The following NRXN1 variants were observed in gnomAD, a reference collection of about 807,000 sequenced individuals.
The protein encoded by NRXN1 is neurexin-1.
In NRXN1, 39 loss-of-function variants were observed where a neutral mutation model predicts 150.9. That is an observed-to-expected ratio of 0.26 (90% CI 0.20 to 0.34). The LOEUF (loss-of-function observed/expected upper bound fraction) is 0.34. Among genes scored for constraint, NRXN1 ranks in the 10% least tolerant of loss-of-function variants. NRXN1 has a pLI of 1.00. For missense variants in NRXN1, 1,815 were observed against 1,949.9 expected, an observed-to-expected ratio of 0.93 and a Z score of 1.30; for synonymous variants, 924 against 757.0, an observed-to-expected ratio of 1.22 and a Z score of -3.62.
intron 17 of NRXN1, among the ~76,000 whole-genome samples, chr2:50,426,631 G>C (rs1450952339): frequency 6.6e-6 from 1 of 152,110 alleles, no homozygotes; most frequent in East Asian, 1.9e-4. Flanking sequence ...ATTCTTTAGA[G>C]GTCAGTCTTG....
intron 18 of NRXN1, among the ~76,000 whole-genome samples, chr2:50,141,148 G>C (rs1707218151): frequency 6.6e-6 from 1 of 151,978 alleles, no homozygotes; most frequent in African/African-American, 2.4e-5. Flanking sequence ...AATTAACCAA[G>C]AGTTACAGAT....
chr2:50,163,492 AAC>A (rs1208875145), intron 18 of NRXN1, among the ~76,000 whole-genome samples: 2 of 152,116 alleles, frequency 1.3e-5, no homozygotes, highest in Admixed American at 6.6e-5. Context: ...TACTTTTGCT[AAC>A]ACAGTTTCTA....
At chr2:50,850,430 C>G (rs1000115692) in intron 5 of NRXN1, among the ~76,000 whole-genome samples, 1 of 151,976 alleles carries the variant, frequency 6.6e-6, no homozygotes, top group African/African-American at 2.4e-5. Context: ...ATGAAATATA[C>G]GGGATAAGTC....
intron 2 of NRXN1, among the ~76,000 whole-genome samples, chr2:50,928,093 A>G (rs887483357): frequency 6.6e-6 from 1 of 151,968 alleles, no homozygotes; most frequent in Non-Finnish European, 1.5e-5. Context: ...ATTCTTATTC[A>G]TAATGAGAAC....
intron 2 of NRXN1, among the ~76,000 whole-genome samples, chr2:50,948,400 T>C (rs1197917890): frequency 6.6e-6 from 1 of 152,000 alleles, no homozygotes; most frequent in African/African-American, 2.4e-5. Flanking sequence ...ATAAGTAAAA[T>C]AGCCAGATAA....
At chr2:50,315,673 T>C (rs1221523306) in intron 17 of NRXN1, among the ~76,000 whole-genome samples, 2 of 152,104 alleles carry the variant, frequency 1.3e-5, no homozygotes, top group South Asian at 2.1e-4. Flanking sequence ...AAGTTTCTCA[T>C]AGAATTAATG....
chr2:50,936,071 ATAACATTTAATC>A (rs749541519), intron 2 of NRXN1, among the ~76,000 whole-genome samples: 5 of 152,176 alleles, frequency 3.3e-5, no homozygotes, highest in African/African-American at 9.6e-5. Flanking sequence ...TTCCTAATGA[ATAACATTTAATC>A]TAACATTTAA....
chr2:50,210,271 CTG>C (rs1349973349), intron 18 of NRXN1, among the ~76,000 whole-genome samples: 1 of 151,814 alleles, frequency 6.6e-6, no homozygotes, highest in Non-Finnish European at 1.5e-5. Context: ...CATCATCGCA[CTG>C]TGTTTGGTTT....
rs569405007 is a variant in NRXN1, at chr2:50,961,463, G to A, written c.773-35508C>T. ...TTGTACTATACTGACCAAGGCTATA[G>A]ATGTTGATCTAATCATATGGTTTAT... On this transcript the variant is annotated intron_variant, in intron 2 of 22. Coordinates refer to ENST00000401669, the MANE Select transcript of NRXN1 (RefSeq NM_001330078.2). Among the ~76,000 whole-genome samples the A allele has an allele frequency of 6.6e-5, 10 of 151,876 alleles. No individual in the cohort carries two copies. The East Asian group carries it at 1.2e-3, about 18-fold the overall frequency.
chr2:50,610,068 A>G (rs1476476757), intron 8 of NRXN1, among the ~76,000 whole-genome samples: 1 of 152,170 alleles, frequency 6.6e-6, no homozygotes, highest in Non-Finnish European at 1.5e-5. Context: ...AAAGACACCA[A>G]TTAACATGCA....
intron 19 of NRXN1, among the ~76,000 whole-genome samples, chr2:50,079,419 T>C (rs547830424): frequency 6.6e-6 from 1 of 152,220 alleles, no homozygotes; most frequent in South Asian, 2.1e-4. Flanking sequence ...AATTGAGTAA[T>C]TGTGACCATG....
intron 8 of NRXN1, among the ~76,000 whole-genome samples, chr2:50,593,209 A>G (rs547440074): frequency 1.3e-5 from 2 of 152,334 alleles, no homozygotes; most frequent in South Asian, 4.1e-4. Flanking sequence ...GGCGGGATAA[A>G]TAAGGTTACC....
At chr2:50,727,569 A>G (rs1697543707) in intron 5 of NRXN1, among the ~76,000 whole-genome samples, 1 of 152,174 alleles carries the variant, frequency 6.6e-6, no homozygotes, top group African/African-American at 2.4e-5. Context: ...CACTCTTTAT[A>G]TTTTAAAAAT....
At chr2:50,631,549 T>C (rs571280542) in intron 5 of NRXN1, among the ~76,000 whole-genome samples, 1 of 152,036 alleles carries the variant, frequency 6.6e-6, no homozygotes, top group South Asian at 2.1e-4. Context: ...TTTCTAGATA[T>C]TGCCATAAAA....
In NRXN1 at chr2:50,824,268, T is replaced by C. The variant is rs562470435; in HGVS notation, c.832+97601A>G. ...GAATAAACAGAGAAAAATATGACTA[T>C]AGTATTATTATTGCTACAATTCAAA... On this transcript the variant is annotated intron_variant, in intron 5 of 22. Transcript: ENST00000401669. Among the ~76,000 whole-genome samples, 7 of 152,044 alleles carry C rather than the reference T, an allele frequency of 4.6e-5. No individual in the cohort carries two copies. The South Asian group carries it at 1.5e-3, about 32-fold the overall frequency.
intron 22 of NRXN1, among the ~76,000 whole-genome samples, chr2:49,940,104 G>A (rs1671712598): frequency 6.6e-6 from 1 of 152,044 alleles, no homozygotes; most frequent in South Asian, 2.1e-4. Flanking sequence ...ATTTTTTGAA[G>A]GTGGGGGAGG....
intron 22 of NRXN1, among the ~76,000 whole-genome samples, chr2:49,922,589 A>T (rs1289832462): frequency 6.6e-6 from 1 of 152,186 alleles, no homozygotes; most frequent in Non-Finnish European, 1.5e-5. Flanking sequence ...CATAAAGAAA[A>T]GCAGAACAGC....
intron 5 of NRXN1, among the ~76,000 whole-genome samples, chr2:50,782,915 G>A (rs1704551558): frequency 6.6e-6 from 1 of 152,146 alleles, no homozygotes; most frequent in African/African-American, 2.4e-5. Flanking sequence ...AACAAAGTGG[G>A]GGAAATGAGA....
chr2:49,972,328 C>T (rs1297097961), intron 21 of NRXN1, among the ~76,000 whole-genome samples: 1 of 152,062 alleles, frequency 6.6e-6, no homozygotes, highest in East Asian at 1.9e-4. Context: ...ATTGGTCAGG[C>T]TCCACGCTGC....
Sources: allele counts gnomAD v4.1 joint callset (sites outside exome capture counted in the v4.1 genomes callset), GRCh38; gene constraint gnomAD v4.1.1; transcripts MANE v1.5; gene names NCBI Gene and HGNC (gene_info 2026-07-23, HGNC 2026-07-21).